SCFD2: variants seen among roughly 807,000 people sequenced by gnomAD.
SCFD2 encodes the protein sec1 family domain containing 2, also known as sec1 family domain-containing protein 2.
A neutral mutation model predicts 58.9 loss-of-function variants in SCFD2; 54 were observed. That is an observed-to-expected ratio of 0.92 (90% CI 0.74 to 1.15). SCFD2 has a LOEUF of 1.15. Among genes scored for constraint, SCFD2 ranks in the 50% most tolerant of loss-of-function variants. The probability of loss-of-function intolerance (pLI) is 0.00; values close to 1 mark genes in which losing one functional copy is unlikely to be tolerated. For synonymous variants in SCFD2, 321 were observed against 335.9 expected (o/e 0.96, Z 0.49); for missense variants, 805 against 836.6 (o/e 0.96, Z 0.47).
intron 5 of SCFD2, among the ~76,000 whole-genome samples, chr4:52,944,841 T>C (rs914639691): frequency 6.6e-6 from 1 of 152,110 alleles, no homozygotes. Context: ...CCTTCTGAAG[T>C]CCCCTCCCTG....
chr4:53,144,166 G>T (rs1726248318), intron 5 of SCFD2, among the ~76,000 whole-genome samples: 1 of 151,672 alleles, frequency 6.6e-6, no homozygotes, highest in Non-Finnish European at 1.5e-5. Context: ...AAAATATAAG[G>T]CTGGGCATGG....
At chr4:53,011,315 C>A (rs772115237) in intron 5 of SCFD2, among the ~76,000 whole-genome samples, 3 of 152,174 alleles carry the variant, frequency 2.0e-5, no homozygotes, top group Non-Finnish European at 2.9e-5. Flanking sequence ...ATAGCTCCAG[C>A]CTTCCACAGC....
intron 5 of SCFD2, among the ~76,000 whole-genome samples, chr4:52,992,805 C>T (rs974267854): frequency 2.6e-5 from 4 of 151,870 alleles, no homozygotes; most frequent in African/African-American, 4.8e-5. Flanking sequence ...CCGCCCCGTC[C>T]GGGAGGGAGG....
intron 4 of SCFD2, among the ~76,000 whole-genome samples, chr4:53,211,397 T>C (rs1032046890): frequency 6.6e-6 from 1 of 152,104 alleles, no homozygotes; most frequent in Non-Finnish European, 1.5e-5. Flanking sequence ...CTGTATCCTT[T>C]GTAGTATCTT....
At chr4:53,359,406 C>T (rs1448917639) in intron 1 of SCFD2, among the ~76,000 whole-genome samples, 1 of 152,104 alleles carries the variant, frequency 6.6e-6, no homozygotes, top group African/African-American at 2.4e-5. Context: ...TGTCAAGTCT[C>T]TTAAATTGAA....
intron 4 of SCFD2, among the ~76,000 whole-genome samples, chr4:53,222,489 A>G (rs1318406588): frequency 6.6e-6 from 1 of 152,228 alleles, no homozygotes; most frequent in Non-Finnish European, 1.5e-5. Flanking sequence ...TTTGCTAATA[A>G]TATCCTGAAC....
In SCFD2 at chr4:53,040,932, T is replaced by C. The variant is rs1402257361; in HGVS notation, c.1561+104401A>G. ...AGATAAAACCTCTGTTGAACTTAAA[T>C]AATTGCCTAGGTTTGAGAAGTTTAT... On this transcript the variant is annotated intron_variant, in intron 5 of 8. Transcript: ENST00000401642. 2.0e-5 allele frequency among the ~76,000 whole-genome samples: 3 copies of C among 152,162 alleles called. No homozygotes were observed. The East Asian group carries it at 5.8e-4, about 29-fold the overall frequency.
At chr4:53,170,377 G>A (rs73143484) in intron 4 of SCFD2, among the ~76,000 whole-genome samples, 15,215 of 151,994 alleles carry the variant, frequency 0.1, 906 homozygotes, top group East Asian at 0.24. Context: ...TCTCTATTTC[G>A]TTTCAACCAT....
intron 5 of SCFD2, among the ~76,000 whole-genome samples, chr4:52,932,796 G>C (rs1720030702): frequency 6.6e-6 from 1 of 152,040 alleles, no homozygotes; most frequent in Non-Finnish European, 1.5e-5. Flanking sequence ...AGGTTCCACT[G>C]CACCTGTTGT....
chr4:53,286,706 C>T (rs1731678957), intron 3 of SCFD2, among the ~76,000 whole-genome samples: 1 of 152,172 alleles, frequency 6.6e-6, no homozygotes, highest in African/African-American at 2.4e-5. Context: ...TCACAGCACC[C>T]TGACTCCCTG....
At chr4:53,207,530 T>TATATAA (rs375151293) in intron 4 of SCFD2, among the ~76,000 whole-genome samples, 1,259 of 16,220 alleles carry the variant, frequency 0.078, 104 homozygotes, top group Non-Finnish European at 0.091. Context: ...TATATAATAT[T>TATATAA]TATATATTAT....
chr4:53,083,887 C>G (rs1724223102), intron 5 of SCFD2, among the ~76,000 whole-genome samples: 1 of 152,056 alleles, frequency 6.6e-6, no homozygotes, highest in African/African-American at 2.4e-5. Context: ...AAGGGTCTAA[C>G]AAAGATCACA....
At chr4:53,346,357 C>A (rs1315026727) in intron 2 of SCFD2, among the ~76,000 whole-genome samples, 2 of 151,372 alleles carry the variant, frequency 1.3e-5, no homozygotes, top group African/African-American at 2.4e-5. Context: ...TCACTGCAAC[C>A]TCTGCCTCCT....
At chr4:53,261,831 C>T (rs1730837516) in intron 4 of SCFD2, among the ~76,000 whole-genome samples, 2 of 152,126 alleles carry the variant, frequency 1.3e-5, no homozygotes, top group South Asian at 4.1e-4. Flanking sequence ...TTAAAGTCCC[C>T]CACTATTGCT....
intron 4 of SCFD2, among the ~76,000 whole-genome samples, chr4:53,230,078 T>C (rs1318732292): frequency 1.3e-5 from 2 of 152,148 alleles, no homozygotes; most frequent in Non-Finnish European, 2.9e-5. Flanking sequence ...TGAGATACCA[T>C]CTCACACCAG....
chr4:53,286,564 C>T (rs113415182), intron 3 of SCFD2, among the ~76,000 whole-genome samples: 60 of 152,038 alleles, frequency 3.9e-4, no homozygotes, highest in African/African-American at 1.4e-3. Flanking sequence ...CCCCATGCTC[C>T]CTAGTTAATA....
intron 4 of SCFD2, among the ~76,000 whole-genome samples, chr4:53,201,980 G>A (rs1040663179): frequency 2.6e-5 from 4 of 152,142 alleles, no homozygotes; most frequent in African/African-American, 9.7e-5. Flanking sequence ...AAGGTTGCCT[G>A]TTCACTCTGA....
chr4:53,065,653 C>T (rs182329912), intron 5 of SCFD2, among the ~76,000 whole-genome samples: 85 of 151,966 alleles, frequency 5.6e-4, no homozygotes, highest in Admixed American at 2.6e-3. Flanking sequence ...TATTCTATTC[C>T]GAAAGTTTTA....
intron 5 of SCFD2, among the ~76,000 whole-genome samples, chr4:53,054,983 C>T (rs1488873961): frequency 6.6e-6 from 1 of 151,924 alleles, no homozygotes; most frequent in African/African-American, 2.4e-5. Flanking sequence ...GTTAACAGAT[C>T]GAGGGGAGAG....
Sources: gnomAD v4.1 joint callset for allele counts (sites outside exome capture counted in the v4.1 genomes callset) on GRCh38, gnomAD v4.1.1 for gene constraint, MANE v1.5 for transcripts, NCBI Gene and HGNC (gene_info 2026-07-23, HGNC 2026-07-21) for gene names.